Variants in FBLN7 observed in about 807,000 individuals in gnomAD.
FBLN7 encodes the protein fibulin 7.
FBLN7 carries 31 observed loss-of-function variants against 44.0 expected under a neutral mutation model. That is an observed-to-expected ratio of 0.70 (90% CI 0.53 to 0.95). The LOEUF (loss-of-function observed/expected upper bound fraction) is 0.95. Ranked by LOEUF, FBLN7 falls within the 40% of genes least tolerant of loss-of-function variation. The pLI is 0.00. For missense variants in FBLN7, 573 were observed against 618.5 expected, an observed-to-expected ratio of 0.93 and a Z score of 0.78; for synonymous variants, 262 against 253.4, an observed-to-expected ratio of 1.03 and a Z score of -0.32.
chr2:112,185,254 A>G lies in FBLN7; in HGVS notation c.862A>G (p.Ile288Val), dbSNP rs759147714. 85 of 1,613,880 alleles carry G rather than the reference A, an allele frequency of 5.3e-5. No homozygotes were observed. Among genetic ancestry groups the G allele is most frequent in the Non-Finnish European group, 7.0e-5 (83 of 1,179,908 alleles). ...QPVCPQGTTC[I>V]NTGGSFQCVS... is the part of the protein sequence containing the mutation. ...GGTGTGCCCCCAGGGGACCACATGCATCAACACCGGTGGAAGCTTCCAGTG... is the reference window on the plus strand; with the variant it reads ...GGTGTGCCCCCAGGGGACCACATGCGTCAACACCGGTGGAAGCTTCCAGTG... The change falls in exon 7 of 8, where the codon ATC (isoleucine) becomes GTC (valine). Residue 288 changes from isoleucine to valine, a missense_variant. Physicochemically the swap from Ile to Val is conservative, Grantham distance 29 (BLOSUM62 3). Coordinates refer to ENST00000331203, the MANE Select transcript of FBLN7 (RefSeq NM_153214.3).
chr2:112,177,723 T>G (rs948457694), intron 4 of FBLN7: 2 of 152,154 alleles, frequency 1.3e-5, no homozygotes, highest in Non-Finnish European at 2.9e-5. Flanking sequence ...CCCCTGGTAA[T>G]CACCATTCAT....
At chr2:112,198,756 C>T in the FBLN7 span, among the ~76,000 whole-genome samples, 1 of 152,186 alleles carries the variant, frequency 6.6e-6, no homozygotes, top group Non-Finnish European at 1.5e-5. Context: ...CCTCACCAGA[C>T]ACCAAACCTG....
At chr2:112,204,679 G>A in the FBLN7 span, among the ~76,000 whole-genome samples, 5 of 152,258 alleles carry the variant, frequency 3.3e-5, no homozygotes, top group Non-Finnish European at 5.9e-5. Context: ...AAAAAAAGCT[G>A]TTGACCAAGA....
chr2:112,205,818 A>G, the FBLN7 span, among the ~76,000 whole-genome samples: 1 of 152,150 alleles, frequency 6.6e-6, no homozygotes, highest in South Asian at 2.1e-4. Flanking sequence ...TTGCCTTTCC[A>G]TATAAATTTT....
chr2:112,173,090 G>T (rs975441829), intron 3 of FBLN7, among the ~76,000 whole-genome samples: 3 of 152,216 alleles, frequency 2.0e-5, no homozygotes, highest in African/African-American at 7.2e-5. Context: ...GCAAATGAAA[G>T]AGATGGTCAT....
At chr2:112,204,906 TATAA>T in the FBLN7 span, among the ~76,000 whole-genome samples, 1 of 152,188 alleles carries the variant, frequency 6.6e-6, no homozygotes, top group African/African-American at 2.4e-5. Context: ...TAAAAGACAA[TATAA>T]ATATATTTTT....
Position 112,153,827 on chromosome 2 carries a change from C to G in FBLN7, c.76-5849C>G, listed in dbSNP as rs879382410. ...TCTGAGGAATCTTCCGTGGACCCGC[C>G]GGAGTAAACACTGTGCGAGAAGGGG... On this transcript the variant is annotated intron_variant, in intron 1 of 7. Transcript: ENST00000331203. Among the ~76,000 whole-genome samples the G allele has an allele frequency of 2.0e-5, 3 of 152,168 alleles. No homozygotes were observed. The East Asian group carries it at 5.8e-4, about 29-fold the overall frequency.
chr2:112,238,225 A>T, the FBLN7 span: 1 of 1,271,430 alleles, frequency 7.9e-7, no homozygotes, highest in South Asian at 1.4e-5. Flanking sequence ...TCATAAGATA[A>T]AGTGCAAAGA....
At chr2:112,217,090 C>G in the FBLN7 span, among the ~76,000 whole-genome samples, 1 of 152,054 alleles carries the variant, frequency 6.6e-6, no homozygotes, top group Non-Finnish European at 1.5e-5. Context: ...AAAAACAGAC[C>G]AGGCGCGGTG....
chr2:112,201,527 TC>T, the FBLN7 span, among the ~76,000 whole-genome samples: 1 of 152,170 alleles, frequency 6.6e-6, no homozygotes, highest in Non-Finnish European at 1.5e-5. Flanking sequence ...TCTTTTTTTT[TC>T]CTCCCCTGGT....
At chr2:112,154,413 T>C (rs2104552455) in intron 1 of FBLN7, among the ~76,000 whole-genome samples, 1 of 152,286 alleles carries the variant, frequency 6.6e-6, no homozygotes. Context: ...CTTCCTCAGC[T>C]TCGAGGGGAC....
At chr2:112,143,578 T>G (rs1680755542) in intron 1 of FBLN7, among the ~76,000 whole-genome samples, 1 of 152,208 alleles carries the variant, frequency 6.6e-6, no homozygotes, top group South Asian at 2.1e-4. Context: ...TGGAACTATA[T>G]TCTATGTGTG....
intron 1 of FBLN7, among the ~76,000 whole-genome samples, chr2:112,145,656 T>C (rs1680868857): frequency 2.6e-5 from 4 of 152,228 alleles, no homozygotes; most frequent in Admixed American, 2.6e-4. Context: ...AAAATTTTCT[T>C]CTAAAATTTT....
At chr2:112,236,874 T>C in the FBLN7 span, among the ~76,000 whole-genome samples, 2 of 152,118 alleles carry the variant, frequency 1.3e-5, no homozygotes, top group East Asian at 3.9e-4. Context: ...AAGGCCAGCC[T>C]AGGCAGCCTA....
At chr2:112,196,603 T>C in the FBLN7 span, among the ~76,000 whole-genome samples, 1 of 152,138 alleles carries the variant, frequency 6.6e-6, no homozygotes, top group Admixed American at 6.5e-5. Context: ...CAGGCTAGAA[T>C]GGCCTGTATC....
At chr2:112,211,459 T>C in the FBLN7 span, 7 of 152,334 alleles carry the variant, frequency 4.6e-5, no homozygotes, top group Non-Finnish European at 5.9e-5. Flanking sequence ...AACCACTCTT[T>C]TTCATTGAAA....
intron 2 of FBLN7, among the ~76,000 whole-genome samples, chr2:112,160,834 ACG>A (rs1681821640): frequency 2.4e-5 from 3 of 123,570 alleles, no homozygotes; most frequent in Non-Finnish European, 5.2e-5. Flanking sequence ...GCACGCATAC[ACG>A]CACGCACACG....
At chr2:112,199,335 C>T in the FBLN7 span, among the ~76,000 whole-genome samples, 58 of 152,212 alleles carry the variant, frequency 3.8e-4, no homozygotes, top group South Asian at 9.3e-3. Context: ...TTTCCAGTGA[C>T]GGAGTGAAAA....
chr2:112,191,735 C>G (rs1683498058), downstream of FBLN7, among the ~76,000 whole-genome samples: 3 of 152,132 alleles, frequency 2.0e-5, no homozygotes, highest in South Asian at 6.3e-4. Context: ...GAATGGTTCC[C>G]CTCTCTGTGG....
Sources: gnomAD v4.1 joint callset for allele counts (sites outside exome capture counted in the v4.1 genomes callset) on GRCh38, gnomAD v4.1.1 for gene constraint, MANE v1.5 for transcripts, NCBI Gene and HGNC (gene_info 2026-07-23, HGNC 2026-07-21) for gene names.